The following TLR8 variants were observed in gnomAD, a reference collection of about 807,000 sequenced individuals.
TLR8 encodes the protein toll-like receptor 8.
In TLR8, 5 loss-of-function variants were observed where a neutral mutation model predicts 18.5. That is an observed-to-expected ratio of 0.27 (90% CI 0.14 to 0.57). The LOEUF (loss-of-function observed/expected upper bound fraction) is 0.57. TLR8 is among the 20% of genes least tolerant of loss of function. The pLI, the probability that TLR8 is intolerant of heterozygous loss-of-function variation, is 0.92. For missense variants in TLR8, 543 were observed against 769.8 expected, an observed-to-expected ratio of 0.71 and a Z score of 3.49; for synonymous variants, 299 against 300.1, an observed-to-expected ratio of 1.00 and a Z score of 0.04.
Position 12,919,477 on chromosome X carries a change from A to C in TLR8, c.437A>C (p.Glu146Ala). The C allele has an allele frequency of 8.3e-7, 1 of 1,210,732 alleles. No homozygotes were observed. Among genetic ancestry groups the C allele is most frequent in the Non-Finnish European group, 1.1e-6 (1 of 894,967 alleles). Reference protein sequence around the residue: ...QLPQIPSGLPESLTELSLIQN... With the variant: ...QLPQIPSGLPASLTELSLIQN... Reference sequence around the variant, plus strand: ...CCCCAAATACCCTCTGGTTTGCCAGAGTCTTTGACAGAACTTAGTCTAATT... The same window carrying C: ...CCCCAAATACCCTCTGGTTTGCCAGCGTCTTTGACAGAACTTAGTCTAATT... Residue 146 changes from glutamate (E) to alanine (A), a missense_variant, in exon 2 of 2, where the codon GAG becomes GCG. By Grantham distance (107) the Glu-to-Ala change is moderately radical. Around this residue, in one of 4 missense-constraint regions of TLR8, gnomAD observed 117 missense variants for 111.0 expected, o/e 1.05. Transcript: ENST00000218032.
chrX:12,909,512 G>A (rs994821024), intron 1 of TLR8, among the ~76,000 whole-genome samples: 1 of 111,637 alleles, frequency 9.0e-6, no homozygotes, highest in Non-Finnish European at 1.9e-5. Context: ...TAGTTGGTGT[G>A]TATGTCTAAA....
At chrX:12,913,327 G>A (rs1381289558) in intron 1 of TLR8, among the ~76,000 whole-genome samples, 2 of 111,373 alleles carry the variant, frequency 1.8e-5, no homozygotes, top group Non-Finnish European at 3.8e-5. Context: ...CCCCGCCCAG[G>A]GACATTCTAC....
intron 1 of TLR8, among the ~76,000 whole-genome samples, chrX:12,911,772 G>A: frequency 8.9e-6 from 1 of 112,373 alleles, no homozygotes; most frequent in Non-Finnish European, 1.9e-5. Context: ...CTGGTCCCTG[G>A]GGCCTGGCCC....
intron 1 of TLR8, among the ~76,000 whole-genome samples, chrX:12,915,514 T>G (rs1381031197): frequency 3.6e-5 from 4 of 112,462 alleles, no homozygotes; most frequent in Non-Finnish European, 7.5e-5. Context: ...TCTCTTAAAC[T>G]TATGTGCTTA....
intron 1 of TLR8, among the ~76,000 whole-genome samples, chrX:12,912,147 T>C (rs2043025785): frequency 8.9e-6 from 1 of 112,015 alleles, no homozygotes; most frequent in African/African-American, 3.3e-5. Context: ...AATTGCCATT[T>C]CTCTAAGTTA....
At position 12,906,679 on chromosome X, in the gene TLR8, C is replaced by T. The variant is rs1175477833; in HGVS notation, c.-28C>T. On this transcript the variant is annotated 5_prime_UTR_variant, in exon 1 of 2. It adds an upstream start codon to the 5' untranslated region. Transcript: ENST00000218032. ...TACCATTCTGCGCTGCTGCAAGTTA[C>T]GGAATGAAAAATTAGAACAACAGAA... The T allele has an allele frequency of 1.0e-5, 11 of 1,103,983 alleles. No individual in the cohort carries two copies. Among genetic ancestry groups the T allele is most frequent in the Non-Finnish European group, 1.2e-5 (10 of 847,790 alleles). The allele number at this position is 1,103,983 out of a possible 1,213,427, so 91.0% of individuals were successfully genotyped here. A position where few individuals can be genotyped will look rare whatever the true frequency, so the allele number is the denominator to read the frequency against.
rs2043101019 is a variant in TLR8, at chrX:12,922,198, A to G, written c.*32A>G. 1 of 1,157,397 alleles carries G rather than the reference A, an allele frequency of 8.6e-7. No homozygotes were observed. ...TTAAGTCATGATTTCGCGCCATAAT[A>G]AAGATGCAAAGGAATGACATTTCTG... On this transcript the variant is annotated 3_prime_UTR_variant, in exon 2 of 2. Coordinates refer to ENST00000218032, the MANE Select transcript of TLR8 (RefSeq NM_138636.5).
Position 12,919,771 on chromosome X carries a change from G to C in TLR8, c.731G>C (p.Gly244Ala). The C allele has an allele frequency of 8.3e-7, 1 of 1,211,558 alleles. No homozygotes were observed. Among genetic ancestry groups the C allele is most frequent in the Non-Finnish European group, 1.1e-6 (1 of 895,432 alleles). The change falls in exon 2 of 2, where the codon GGA (glycine) becomes GCA (alanine). Residue 244 changes from glycine (G) to alanine (A), a missense_variant. Coordinates refer to ENST00000218032, the MANE Select transcript of TLR8 (RefSeq NM_138636.5). ...IKYISEEDFK[G>A]LINLTLLDLS... ...TACATTAGTGAAGAAGATTTCAAGG[G>C]ATTGATAAATTTAACATTACTAGAT...
intron 1 of TLR8, among the ~76,000 whole-genome samples, chrX:12,908,498 G>T (rs1038587181): frequency 1.8e-5 from 2 of 112,959 alleles, no homozygotes; most frequent in African/African-American, 6.4e-5. Flanking sequence ...GTTAGCCTTC[G>T]CAATGGACTC....
rs181897597 is a variant in TLR8, at chrX:12,922,470, T to C, written c.*304T>C. On this transcript the variant is annotated 3_prime_UTR_variant, in exon 2 of 2. Transcript: ENST00000218032. ...GGCTATTGGCCAAAGGCTATACTCA[T>C]GTAAGCCATGCGAGCCTCTCCCACA... is the stretch of plus-strand genomic sequence containing the variant. 9.8e-4 allele frequency: 222 copies of C among 226,627 alleles called. 2 individuals are homozygous for C. Among genetic ancestry groups the C allele is most frequent in the African/African-American group, 6.1e-3 (213 of 34,782 alleles). 18.7% of individuals were successfully genotyped at this position (226,627 alleles called of 1,213,427 possible).
intron 1 of TLR8, among the ~76,000 whole-genome samples, chrX:12,910,708 G>A (rs1569114612): frequency 8.9e-6 from 1 of 112,072 alleles, no homozygotes; most frequent in Non-Finnish European, 1.9e-5. Context: ...TTTTAAAAAC[G>A]TGTTTGGTGG....
At position 12,922,515 on chromosome X, in the gene TLR8, A is replaced by AGCTAGCAAAAAAGAGAGGTT. The variant is rs2043103235; in HGVS notation, c.*358_*377dup. On this transcript the variant is annotated 3_prime_UTR_variant, in exon 2 of 2. Coordinates refer to ENST00000218032, the MANE Select transcript of TLR8 (RefSeq NM_138636.5). ...CCCACAAGGCAGCTTGCTTCATCAG[A>AGCTAGCAAAAAAGAGAGGTT]GCTAGCAAAAAAGAGAGGTTGCTAG... 6.1e-6 allele frequency: 1 copy of AGCTAGCAAAAAAGAGAGGTT among 164,860 alleles called. No homozygotes were observed. The highest frequency in any genetic ancestry group is 1.1e-5 in the Non-Finnish European group (1 of 87,614). The allele number at this position is 164,860 out of a possible 1,213,427, so 13.6% of individuals were successfully genotyped here. A position where few individuals can be genotyped will look rare whatever the true frequency, so the allele number is the denominator to read the frequency against.
At position 12,921,031 on chromosome X, in the gene TLR8, C is replaced by T. The variant is rs148772263; in HGVS notation, c.1991C>T (p.Ala664Val). 37 of 1,208,387 alleles carry T rather than the reference C, an allele frequency of 3.1e-5. No homozygotes were observed. Among genetic ancestry groups the T allele is most frequent in the African/African-American group, 1.4e-4 (8 of 57,102 alleles). ...AATGAAGCATTCCTTAATTTGCCAG[C>T]GAGTCTCACTGAACTACATATAAAT... ...IPNEAFLNLP[A>V]SLTELHINDN... The change falls in exon 2 of 2, where the codon GCG becomes GTG. Residue 664 changes from alanine to valine, a missense_variant. By Grantham distance (64) the Ala-to-Val change is moderately conservative. Coordinates refer to ENST00000218032, the MANE Select transcript of TLR8 (RefSeq NM_138636.5).
Position 12,919,297 on chromosome X carries a change from T to C in TLR8, c.257T>C (p.Leu86Pro), listed in dbSNP as rs1379157437. The part of the protein sequence containing the change: ...THITNESFQG[L>P]QNLTKINLNH... ...ATAACGAATGAATCATTTCAAGGGC[T>C]GCAAAATCTCACTAAAATAAATCTA... Residue 86 changes from leucine (L) to proline (P), a missense_variant, in exon 2 of 2, where the codon CTG (leucine) becomes CCG (proline). Transcript: ENST00000218032. The C allele has an allele frequency of 7.4e-6, 9 of 1,210,162 alleles. No individual in the cohort carries two copies. Among genetic ancestry groups the C allele is most frequent in the Non-Finnish European group, 1.0e-5 (9 of 895,325 alleles).
At position 12,919,361 on chromosome X, in the gene TLR8, C is replaced by T. The variant is rs774944401; in HGVS notation, c.321C>T (p.Pro107=). The change falls in exon 2 of 2, where the codon CCC becomes CCT. Residue 107 remains proline, a synonymous_variant. Transcript: ENST00000218032. ...NPNVQHQNGN[P]GIQSNGLNIT... ...ATGTACAGCACCAGAACGGAAATCCCGGTATACAATCAAATGGCTTGAATA... is the reference window on the plus strand; with the variant it reads ...ATGTACAGCACCAGAACGGAAATCCTGGTATACAATCAAATGGCTTGAATA... The T allele has an allele frequency of 5.3e-5, 64 of 1,209,578 alleles. No individual in the cohort carries two copies. The highest frequency in any genetic ancestry group is 6.9e-5 in the Non-Finnish European group (62 of 895,104).
chrX:12,913,594 C>T (rs780769374), intron 1 of TLR8, among the ~76,000 whole-genome samples: 8 of 112,696 alleles, frequency 7.1e-5, no homozygotes, highest in Non-Finnish European at 1.3e-4. Context: ...CAGACTACTA[C>T]TCATAGGCAT....
intron 1 of TLR8, among the ~76,000 whole-genome samples, chrX:12,906,921 A>G (rs754236743): frequency 1.8e-5 from 2 of 112,551 alleles, no homozygotes; most frequent in Non-Finnish European, 3.7e-5. Context: ...GGAATTAGAG[A>G]GTAAATTTTG....
chrX:12,911,374 G>A (rs2043019868), intron 1 of TLR8, among the ~76,000 whole-genome samples: 1 of 111,833 alleles, frequency 8.9e-6, no homozygotes, highest in Admixed American at 9.5e-5. Flanking sequence ...CCAGCTTCTG[G>A]TGGTAGCTAG....
Position 12,919,789 on chromosome X carries a change from T to C in TLR8, c.749T>C (p.Leu250Ser). 1 of 1,211,261 alleles carries C rather than the reference T, an allele frequency of 8.3e-7. No individual in the cohort carries two copies. The highest frequency in any genetic ancestry group is 1.1e-6 in the Non-Finnish European group (1 of 895,100). Reference sequence around the variant, plus strand: ...TTCAAGGGATTGATAAATTTAACATTACTAGATTTAAGCGGGAACTGTCCG... The same window carrying C: ...TTCAAGGGATTGATAAATTTAACATCACTAGATTTAAGCGGGAACTGTCCG... ...EDFKGLINLT[L>S]LDLSGNCPRC... Residue 250 changes from leucine (L) to serine (S), a missense_variant, in exon 2 of 2, where the codon TTA becomes TCA. Leu to Ser is a moderately radical substitution (Grantham distance 145). Transcript: ENST00000218032.
Sources: allele counts gnomAD v4.1 joint callset (sites outside exome capture counted in the v4.1 genomes callset), GRCh38; gene constraint gnomAD v4.1.1; regional missense constraint gnomAD v4.1.1; transcripts MANE v1.5; gene names NCBI Gene and HGNC (gene_info 2026-07-23, HGNC 2026-07-21).